GRID1: variants seen among roughly 807,000 people sequenced by gnomAD.
GRID1 encodes the protein glutamate receptor ionotropic, delta-1.
In GRID1, 28 loss-of-function variants were observed where a neutral mutation model predicts 98.0. The ratio of observed to expected loss-of-function variants is 0.29; its 90% CI spans 0.21 to 0.39. The LOEUF is 0.39. Ranked by LOEUF, GRID1 falls within the 10% of genes least tolerant of loss-of-function variation. The pLI is 1.00. For synonymous variants in GRID1, 553 were observed against 538.5 expected, an observed-to-expected ratio of 1.03 and a Z score of -0.37; for missense variants, 1,111 against 1,340.5, an observed-to-expected ratio of 0.83 and a Z score of 2.67.
intron 3 of GRID1, among the ~76,000 whole-genome samples, chr10:86,203,068 G>A (rs1273833255): frequency 2.0e-5 from 3 of 152,164 alleles, no homozygotes; most frequent in Non-Finnish European, 4.4e-5. Context: ...TCTGTAAAAT[G>A]TAGCAATAAT....
chr10:85,942,459 C>A (rs1014733650), intron 4 of GRID1, among the ~76,000 whole-genome samples: 1 of 152,184 alleles, frequency 6.6e-6, no homozygotes, highest in Non-Finnish European at 1.5e-5. Flanking sequence ...GGGGGATCCC[C>A]ACCCTAAAGA....
intron 13 of GRID1, among the ~76,000 whole-genome samples, chr10:85,620,801 T>C (rs1033713841): frequency 3.3e-5 from 5 of 152,212 alleles, no homozygotes; most frequent in African/African-American, 1.2e-4. Context: ...ACATGTGTAA[T>C]AAGCACACAT....
At chr10:86,001,009 A>AT (rs144011462) in intron 4 of GRID1, among the ~76,000 whole-genome samples, 1,858 of 152,280 alleles carry the variant, frequency 0.012, 16 homozygotes, top group Non-Finnish European at 0.021. Flanking sequence ...CTACTCTGCA[A>AT]TTTTTTAAAA....
chr10:86,301,362 A>G (rs184042313), intron 2 of GRID1, among the ~76,000 whole-genome samples: 84 of 152,310 alleles, frequency 5.5e-4, no homozygotes, highest in African/African-American at 1.9e-3. Flanking sequence ...CTTCATTTCC[A>G]TTCATTTTCC....
intron 4 of GRID1, among the ~76,000 whole-genome samples, chr10:86,022,300 A>C (rs1843060235): frequency 6.6e-6 from 1 of 152,210 alleles, no homozygotes; most frequent in Admixed American, 6.5e-5. Context: ...ATCAAGTGTC[A>C]GTTTTTAAAT....
intron 13 of GRID1, among the ~76,000 whole-genome samples, chr10:85,624,266 A>G (rs181381266): frequency 3.3e-5 from 5 of 152,322 alleles, no homozygotes; most frequent in South Asian, 2.1e-4. Context: ...TCACCTTTCA[A>G]TGGGTTAAAT....
chr10:86,009,140 G>GA (rs1304926780), intron 4 of GRID1, among the ~76,000 whole-genome samples: 1 of 150,240 alleles, frequency 6.7e-6, no homozygotes, highest in Non-Finnish European at 1.5e-5. Context: ...ACTTATAACC[G>GA]AAAAAAAAAG....
At chr10:86,183,877 A>G (rs2132003285) in intron 3 of GRID1, among the ~76,000 whole-genome samples, 1 of 152,364 alleles carries the variant, frequency 6.6e-6, no homozygotes, top group Non-Finnish European at 1.5e-5. Context: ...ATTTTACATT[A>G]TTCCCAGCAG....
At chr10:86,013,844 T>A (rs111492952) in intron 4 of GRID1, among the ~76,000 whole-genome samples, 1 of 152,270 alleles carries the variant, frequency 6.6e-6, no homozygotes, top group African/African-American at 2.4e-5. Flanking sequence ...GAAAATAACT[T>A]GTATGAACCT....
At chr10:85,811,744 C>CA in intron 8 of GRID1, among the ~76,000 whole-genome samples, 1 of 152,020 alleles carries the variant, frequency 6.6e-6, no homozygotes, top group Non-Finnish European at 1.5e-5. Context: ...TATGAGCAAT[C>CA]AGAAGGTGAA....
intron 8 of GRID1, among the ~76,000 whole-genome samples, chr10:85,734,967 G>A (rs567934621): frequency 4.6e-5 from 7 of 152,248 alleles, no homozygotes; most frequent in South Asian, 2.1e-4. Context: ...GGGGTCTGGC[G>A]CTCGCCACTC....
intron 5 of GRID1, among the ~76,000 whole-genome samples, chr10:85,900,107 T>G (rs558240227): frequency 6.6e-6 from 1 of 152,350 alleles, no homozygotes; most frequent in Non-Finnish European, 1.5e-5. Context: ...AAAGAGGTTC[T>G]GGTGGTTTGA....
chr10:85,661,611 C>T (rs530512883), intron 12 of GRID1, among the ~76,000 whole-genome samples: 43 of 152,294 alleles, frequency 2.8e-4, no homozygotes, highest in African/African-American at 1.0e-3. Context: ...ACCCAGGGAG[C>T]TTGTCCCCAA....
intron 8 of GRID1, among the ~76,000 whole-genome samples, chr10:85,819,585 C>G (rs1361823792): frequency 6.6e-6 from 1 of 152,108 alleles, no homozygotes; most frequent in Non-Finnish European, 1.5e-5. Flanking sequence ...TGGTGTTCTT[C>G]CCCAAAATTC....
intron 8 of GRID1, among the ~76,000 whole-genome samples, chr10:85,825,398 GC>G (rs1219256157): frequency 2.7e-5 from 4 of 147,764 alleles, no homozygotes; most frequent in Non-Finnish European, 6.0e-5. Context: ...TTTTTTTCTT[GC>G]TGATTTATTT....
chr10:86,179,531 C>T (rs987610631), intron 3 of GRID1, among the ~76,000 whole-genome samples: 4 of 152,194 alleles, frequency 2.6e-5, no homozygotes, highest in Non-Finnish European at 5.9e-5. Flanking sequence ...ACACAATTTG[C>T]AAGTGGAAAG....
chr10:86,174,019 T>C (rs890723793), intron 3 of GRID1, among the ~76,000 whole-genome samples: 3 of 152,268 alleles, frequency 2.0e-5, no homozygotes, highest in Admixed American at 6.5e-5. Flanking sequence ...CTATTGTGAA[T>C]AGTGCCACAA....
intron 2 of GRID1, among the ~76,000 whole-genome samples, chr10:86,281,433 G>A (rs559110635): frequency 2.6e-5 from 4 of 152,274 alleles, no homozygotes; most frequent in African/African-American, 9.6e-5. Flanking sequence ...AGCTGTCCTG[G>A]GCTAGAGGAA....
intron 4 of GRID1, among the ~76,000 whole-genome samples, chr10:86,078,062 G>A (rs940839238): frequency 5.3e-5 from 8 of 152,256 alleles, no homozygotes; most frequent in Non-Finnish European, 1.2e-4. Flanking sequence ...TGGGCTTAGA[G>A]GGAACTGGCA....
Sources: allele counts gnomAD v4.1 joint callset (sites outside exome capture counted in the v4.1 genomes callset), GRCh38; gene constraint gnomAD v4.1.1; transcripts MANE v1.5; gene names NCBI Gene and HGNC (gene_info 2026-07-23, HGNC 2026-07-21).